Variants in ERBB3 observed in about 807,000 individuals in gnomAD.
The protein encoded by ERBB3 is erb-b2 receptor tyrosine kinase 3.
A neutral mutation model predicts 156.7 loss-of-function variants in ERBB3; 96 were observed. The ratio of observed to expected loss-of-function variants is 0.61; its 90% CI spans 0.52 to 0.73. The LOEUF (loss-of-function observed/expected upper bound fraction) is 0.73. Among genes scored for constraint, ERBB3 ranks in the 30% least tolerant of loss-of-function variants. The pLI is 0.00. For synonymous variants in ERBB3, 567 were observed against 632.0 expected (o/e 0.90, Z 1.54); for missense variants, 1,406 against 1,709.4 (o/e 0.82, Z 3.13).
At chr12:56,099,082 C>T (rs1021755096) in intron 23 of ERBB3, 177 bp downstream of exon 23, 47 of 639,578 alleles carry the variant, frequency 7.3e-5, no homozygotes, top group Admixed American at 2.5e-4. Flanking sequence ...CTTCAGCCTC[C>T]GGAGTAGCTG....
In ERBB3 at chr12:56,086,657, G is replaced by A. The variant is rs976572614; in HGVS notation, c.547+1G>A. On this transcript the variant is annotated splice_donor_variant, in intron 4 of 27. Coordinates refer to ENST00000267101, the MANE Select transcript of ERBB3 (RefSeq NM_001982.4). LOFTEE classifies it high-confidence loss of function. ...GTGGTGAAGGACAATGGCAGAAGCT[G>A]TAAGTGGCCGTGATCAAGATTGCTC... The A allele has an allele frequency of 6.2e-7, 1 of 1,614,018 alleles. No homozygotes were observed. Among genetic ancestry groups the A allele is most frequent in the Non-Finnish European group, 8.5e-7 (1 of 1,179,914 alleles).
In ERBB3 at chr12:56,086,520, C is replaced by T; in HGVS notation, c.422-11C>T. On this transcript the variant is annotated splice_polypyrimidine_tract_variant and intron_variant, in intron 3 of 27. Transcript: ENST00000267101. ...CGGCCCTTAACCCTGTCACTTCTTTCCCTACCTCAGAGATTCTGTCAGGGG... is the reference window on the plus strand; with the variant it reads ...CGGCCCTTAACCCTGTCACTTCTTTTCCTACCTCAGAGATTCTGTCAGGGG... 1 of 1,614,022 alleles carries T rather than the reference C, an allele frequency of 6.2e-7. No individual in the cohort carries two copies. The highest frequency in any genetic ancestry group is 2.2e-5 in the East Asian group (1 of 44,882).
In ERBB3 at chr12:56,095,253, C is replaced by T; in HGVS notation, c.1860-4C>T. On this transcript the variant is annotated splice_polypyrimidine_tract_variant and splice_region_variant and intron_variant, in intron 15 of 27. Coordinates refer to ENST00000267101, the MANE Select transcript of ERBB3 (RefSeq NM_001982.4). The stretch of plus-strand genomic sequence containing the variant: ...TCATTTAAGGTGGTGACTTTCTTCC[C>T]TAGGTGTAAAGGACCAGAGCTTCAA... 1 of 1,611,658 alleles carries T rather than the reference C, an allele frequency of 6.2e-7. No individual in the cohort carries two copies. The highest frequency in any genetic ancestry group is 8.5e-7 in the Non-Finnish European group (1 of 1,177,762).
Position 56,086,045 on chromosome 12 carries a change from G to A in ERBB3, c.422-486G>A, listed in dbSNP as rs1592225854. ...GATTGCACCACTGCACTCCAGCCTG[G>A]GCGACAGAGCGAGACTCCAAAAAAA... On this transcript the variant is annotated intron_variant, in intron 3 of 27. Coordinates refer to ENST00000267101, the MANE Select transcript of ERBB3 (RefSeq NM_001982.4). Among the ~76,000 whole-genome samples the A allele has an allele frequency of 2.1e-5, 3 of 140,650 alleles. No individual in the cohort carries two copies. The South Asian group carries it at 6.9e-4, about 33-fold the overall frequency. 92.3% of individuals were successfully genotyped at this position (140,650 alleles called of 152,430 possible). A position where few individuals can be genotyped will look rare whatever the true frequency, so the allele number is the denominator to read the frequency against.
intron 19 of ERBB3, 84 bp from the exon 20 acceptor site, chr12:56,096,961 G>A: frequency 2.1e-6 from 3 of 1,447,364 alleles, no homozygotes; most frequent in Non-Finnish European, 2.9e-6. Flanking sequence ...AATGTTGGGG[G>A]TGGGGGGGCC....
At chr12:56,095,590 T>A in intron 16 of ERBB3, 75 bp from the exon 17 acceptor site, 5 of 1,572,846 alleles carry the variant, frequency 3.2e-6, no homozygotes, top group Non-Finnish European at 4.4e-6. Context: ...CATCATACCT[T>A]CAACACAAGT....
At chr12:56,100,604 T>C (rs1869056627) in intron 26 of ERBB3, among the ~76,000 whole-genome samples, 2 of 145,708 alleles carry the variant, frequency 1.4e-5, no homozygotes, top group Admixed American at 7.0e-5. Flanking sequence ...ATTGTACCAC[T>C]GCACTCCAGC....
chr12:56,096,043 T>G (rs1208458623), intron 17 of ERBB3: 13 of 587,122 alleles, frequency 2.2e-5, no homozygotes, highest in African/African-American at 3.7e-5. Context: ...GATTTTGCCA[T>G]TAATTTGCCA....
At chr12:56,096,375 G>A (rs1232041823) in intron 17 of ERBB3, 128 bp from the exon 18 acceptor site, 8 of 1,144,526 alleles carry the variant, frequency 7.0e-6, no homozygotes, top group African/African-American at 1.5e-5. Flanking sequence ...ATCCATTCCA[G>A]GACTAACGGT....
rs1868819621 is a variant in ERBB3 at position 56,094,246 on chromosome 12, C to T, written c.1704+57C>T. 4 of 1,483,280 alleles carry T rather than the reference C, an allele frequency of 2.7e-6. No homozygotes were observed. In the Admixed American group the frequency reaches 5.0e-5, roughly 19 times the overall value. The allele number at this position is 1,483,280 out of a possible 1,614,324, so 91.9% of individuals were successfully genotyped here. A position where few individuals can be genotyped will look rare whatever the true frequency, so the allele number is the denominator to read the frequency against. On this transcript the variant is annotated intron_variant, in intron 14 of 27. Transcript: ENST00000267101. ...GACAGAGAAGGGGCAATACTTGGAG[C>T]ATCTGGGGAATGATATGGCTAAGGA...
intron 4 of ERBB3, 48 bp downstream of exon 4, chr12:56,086,704 T>C: frequency 6.2e-7 from 1 of 1,611,192 alleles, no homozygotes; most frequent in Non-Finnish European, 8.5e-7. Flanking sequence ...CAAACCAGAG[T>C]GACTCCCTTC....
At chr12:56,096,659 G>A in intron 18 of ERBB3, 37 bp downstream of exon 18, 1 of 1,614,150 alleles carries the variant, frequency 6.2e-7, no homozygotes, top group Non-Finnish European at 8.5e-7. Flanking sequence ...AGGTGGGGAA[G>A]GCATCTAGGG....
intron 20 of ERBB3, 57 bp downstream of exon 20, chr12:56,097,287 G>A (rs974905576): frequency 1.3e-6 from 2 of 1,556,820 alleles, no homozygotes; most frequent in Non-Finnish European, 1.8e-6. Flanking sequence ...GGGCCAGCCA[G>A]GAAAAAGTGA....
At chr12:56,097,024 A>G in intron 19 of ERBB3, 21 bp from the exon 20 acceptor site, 4 of 1,612,870 alleles carry the variant, frequency 2.5e-6, no homozygotes, top group South Asian at 1.1e-5. Flanking sequence ...TTTCCTAGAT[A>G]ATACCTTTTG....
intron 5 of ERBB3, 48 bp downstream of exon 5, chr12:56,087,690 C>A (rs1178981000): frequency 1.3e-6 from 2 of 1,599,582 alleles, no homozygotes; most frequent in Non-Finnish European, 1.7e-6. Flanking sequence ...GCTTTCATAT[C>A]CCTTCCTCCC....
Position 56,095,281 on chromosome 12 carries a change from C to G in ERBB3, c.1884C>G (p.Asp628Glu). ...TQGCKGPELQ[D>E]CLGQTLVLIG... Reference sequence around the variant, plus strand: ...GGTGTAAAGGACCAGAGCTTCAAGACTGTTTAGGACAAACACTGGTGCTGA... The same window carrying G: ...GGTGTAAAGGACCAGAGCTTCAAGAGTGTTTAGGACAAACACTGGTGCTGA... Residue 628 changes from aspartate (D) to glutamate (E), a missense_variant, in exon 16 of 28, where the codon GAC becomes GAG. By Grantham distance (45) the Asp-to-Glu change is conservative. Coordinates refer to ENST00000267101, the MANE Select transcript of ERBB3 (RefSeq NM_001982.4). The G allele has an allele frequency of 1.2e-6, 2 of 1,613,890 alleles. No homozygotes were observed. The highest frequency in any genetic ancestry group is 1.7e-6 in the Non-Finnish European group (2 of 1,179,740).
intron 13 of ERBB3, 23 bp from the exon 14 acceptor site, chr12:56,094,076 C>T (rs370099171): frequency 3.0e-5 from 48 of 1,595,134 alleles, no homozygotes; most frequent in Non-Finnish European, 4.0e-5. Context: ...GTGACCCCCC[C>T]CTCCCTTTAT....
intron 26 of ERBB3, 26 bp from the exon 27 acceptor site, chr12:56,101,035 T>C (rs1486260481): frequency 1.2e-6 from 2 of 1,601,498 alleles, no homozygotes; most frequent in South Asian, 2.2e-5. Context: ...TTCCTTGCAT[T>C]ATTTTCTGTT....
chr12:56,085,865 C>T (rs1334075322), intron 3 of ERBB3, among the ~76,000 whole-genome samples: 1 of 150,990 alleles, frequency 6.6e-6, no homozygotes, highest in Non-Finnish European at 1.5e-5. Flanking sequence ...GTCAGGAGAT[C>T]GAGACCATCC....
Sources: allele counts gnomAD v4.1 joint callset (sites outside exome capture counted in the v4.1 genomes callset), GRCh38; gene constraint gnomAD v4.1.1; transcripts MANE v1.5; gene names NCBI Gene and HGNC (gene_info 2026-07-23, HGNC 2026-07-21).